The following NKAIN3 variants were observed in gnomAD, a reference collection of about 807,000 sequenced individuals.
NKAIN3 encodes sodium/potassium transporting ATPase interacting 3, also known as sodium/potassium-transporting ATPase subunit beta-1-interacting protein 3.
A neutral mutation model predicts 30.2 loss-of-function variants in NKAIN3; 25 were observed. That is an observed-to-expected ratio of 0.83 (90% CI 0.60 to 1.16). NKAIN3 has a LOEUF of 1.16. NKAIN3 is among the 50% of genes most tolerant of loss of function. The probability of loss-of-function intolerance (pLI) is 0.00; values close to 1 mark genes in which losing one functional copy is unlikely to be tolerated. For missense variants in NKAIN3, 225 were observed against 254.1 expected (o/e 0.89, Z 0.78); for synonymous variants, 91 against 89.6 (o/e 1.02, Z -0.09).
At chr8:62,911,788 A>G (rs1412136843) in intron 4 of NKAIN3, among the ~76,000 whole-genome samples, 2 of 152,172 alleles carry the variant, frequency 1.3e-5, no homozygotes, top group Non-Finnish European at 2.9e-5. Flanking sequence ...GAGGTATACA[A>G]AGTAACAACA....
chr8:62,695,233 G>A (rs1814113801), intron 3 of NKAIN3, among the ~76,000 whole-genome samples: 1 of 152,096 alleles, frequency 6.6e-6, no homozygotes, highest in Non-Finnish European at 1.5e-5. Flanking sequence ...TTCTACAGGT[G>A]AAAGGGCCAA....
intron 4 of NKAIN3, chr8:62,855,463 A>G: frequency 7.6e-7 from 1 of 1,321,014 alleles, no homozygotes; most frequent in Admixed American, 1.7e-5. Context: ...TTTTGCTTCC[A>G]AAATCTTCAT....
chr8:62,547,033 T>A (rs1376247719), intron 1 of NKAIN3, among the ~76,000 whole-genome samples: 2 of 152,200 alleles, frequency 1.3e-5, no homozygotes, highest in African/African-American at 4.8e-5. Flanking sequence ...ATTACTGTTG[T>A]CTATCTGTGG....
intron 3 of NKAIN3, among the ~76,000 whole-genome samples, chr8:62,687,772 A>G (rs992068608): frequency 6.6e-6 from 1 of 152,070 alleles, no homozygotes; most frequent in Middle Eastern, 3.2e-3. Flanking sequence ...CTCTTTTTTG[A>G]TCTTTCTCTC....
chr8:62,394,939 G>A (rs960925630), intron 1 of NKAIN3, among the ~76,000 whole-genome samples: 5 of 147,398 alleles, frequency 3.4e-5, no homozygotes, highest in African/African-American at 7.5e-5. Flanking sequence ...CTTCTCAGAT[G>A]GTGGGGCAGC....
chr8:62,261,425 A>T (rs374464671), intron 1 of NKAIN3, among the ~76,000 whole-genome samples: 1 of 152,300 alleles, frequency 6.6e-6, no homozygotes. Context: ...TAGGTGAGTG[A>T]CTAGAATCTA....
chr8:62,560,355 G>A (rs900698556), intron 1 of NKAIN3, among the ~76,000 whole-genome samples: 4 of 151,684 alleles, frequency 2.6e-5, no homozygotes, highest in African/African-American at 9.7e-5. Flanking sequence ...GTATTTTTTA[G>A]CCTTACCCTG....
chr8:62,263,743 A>G (rs987690876), intron 1 of NKAIN3, among the ~76,000 whole-genome samples: 1 of 152,238 alleles, frequency 6.6e-6, no homozygotes. Context: ...TGCAAATTTA[A>G]TACTCTTCAT....
chr8:62,698,770 AT>A (rs1814243189), intron 3 of NKAIN3, among the ~76,000 whole-genome samples: 1 of 152,198 alleles, frequency 6.6e-6, no homozygotes, highest in Non-Finnish European at 1.5e-5. Context: ...AGAGTATGTT[AT>A]TTCTTTATTT....
At chr8:62,408,733 A>G (rs1234521507) in intron 1 of NKAIN3, among the ~76,000 whole-genome samples, 1 of 152,180 alleles carries the variant, frequency 6.6e-6, no homozygotes, top group Admixed American at 6.5e-5. Flanking sequence ...TGCCATTACC[A>G]TGTCCAAACA....
chr8:62,752,456 G>C (rs537636444), intron 4 of NKAIN3, among the ~76,000 whole-genome samples: 1 of 152,102 alleles, frequency 6.6e-6, no homozygotes, highest in Admixed American at 6.5e-5. Context: ...CATAGGACAC[G>C]GCAATCATAA....
intron 1 of NKAIN3, among the ~76,000 whole-genome samples, chr8:62,503,618 G>A (rs529756905): frequency 1.1e-4 from 17 of 152,074 alleles, no homozygotes; most frequent in African/African-American, 2.2e-4. Flanking sequence ...CAGAGCAGCC[G>A]TCTATGGACC....
intron 1 of NKAIN3, among the ~76,000 whole-genome samples, chr8:62,519,602 A>G (rs554955217): frequency 1.3e-5 from 2 of 152,294 alleles, no homozygotes; most frequent in Admixed American, 6.5e-5. Flanking sequence ...TGCTGATCCC[A>G]AGAAATTCAG....
At chr8:62,863,978 G>C in intron 4 of NKAIN3, 1 of 780,102 alleles carries the variant, frequency 1.3e-6, no homozygotes, top group African/African-American at 1.7e-5. Context: ...GGAGGAGAAA[G>C]AACTAAAGGA....
intron 3 of NKAIN3, among the ~76,000 whole-genome samples, chr8:62,714,683 G>A (rs1443298445): frequency 2.6e-5 from 4 of 152,176 alleles, no homozygotes; most frequent in African/African-American, 9.6e-5. Context: ...AGTGTTTCAT[G>A]TGTATTATAC....
At chr8:62,880,932 T>C (rs1253305767) in intron 4 of NKAIN3, among the ~76,000 whole-genome samples, 1 of 152,198 alleles carries the variant, frequency 6.6e-6, no homozygotes, top group Admixed American at 6.5e-5. Context: ...ACTCCCCACA[T>C]ATGCACAGCT....
At chr8:62,302,468 A>G (rs916025611) in intron 1 of NKAIN3, among the ~76,000 whole-genome samples, 4 of 152,072 alleles carry the variant, frequency 2.6e-5, no homozygotes, top group African/African-American at 9.7e-5. Context: ...CCTTTTTGAA[A>G]GATGTATCAA....
intron 4 of NKAIN3, among the ~76,000 whole-genome samples, chr8:62,849,464 T>C (rs1315083740): frequency 6.6e-6 from 1 of 151,942 alleles, no homozygotes; most frequent in Non-Finnish European, 1.5e-5. Context: ...TTTTTATTAT[T>C]ATACTTCAAG....
At chr8:62,826,363 T>C (rs776530385) in intron 4 of NKAIN3, among the ~76,000 whole-genome samples, 25 of 152,192 alleles carry the variant, frequency 1.6e-4, no homozygotes, top group Non-Finnish European at 3.2e-4. Flanking sequence ...TAAGGCCTTA[T>C]GCATTTATTA....
Sources: allele counts gnomAD v4.1 joint callset (sites outside exome capture counted in the v4.1 genomes callset), GRCh38; gene constraint gnomAD v4.1.1; transcripts MANE v1.5; gene names NCBI Gene and HGNC (gene_info 2026-07-23, HGNC 2026-07-21).